Variants in ELAVL2 observed in about 807,000 individuals in gnomAD.
ELAVL2 encodes ELAV-like protein 2.
In ELAVL2, 4 loss-of-function variants were observed where a neutral mutation model predicts 34.6. The observed-to-expected ratio is 0.12, with a 90% CI of 0.06 to 0.26. The LOEUF (loss-of-function observed/expected upper bound fraction) is 0.26, where lower values mean the gene tolerates loss of function less well. Ranked by LOEUF, ELAVL2 falls within the 10% of genes least tolerant of loss-of-function variation. ELAVL2 has a pLI of 1.00. For missense variants in ELAVL2, 432 were observed against 442.8 expected (o/e 0.98, Z 0.22); for synonymous variants, 193 against 154.8 (o/e 1.25, Z -1.83).
chr9:23,757,869 A>C (rs898373807), intron 2 of ELAVL2, among the ~76,000 whole-genome samples: 5 of 152,242 alleles, frequency 3.3e-5, no homozygotes, highest in Admixed American at 3.3e-4. Flanking sequence ...TAATTTGCTA[A>C]CACTGACACA....
intron 1 of ELAVL2, among the ~76,000 whole-genome samples, chr9:23,797,225 C>T (rs1278282061): frequency 6.6e-6 from 1 of 152,144 alleles, no homozygotes; most frequent in Non-Finnish European, 1.5e-5. Context: ...CAAAAGTGAA[C>T]CTCTATCCTC....
chr9:23,820,568 G>A (rs959441875), intron 1 of ELAVL2, among the ~76,000 whole-genome samples: 1 of 152,176 alleles, frequency 6.6e-6, no homozygotes, highest in Non-Finnish European at 1.5e-5. Flanking sequence ...CTCATAGCTC[G>A]CATCTAGAGG....
intron 2 of ELAVL2, among the ~76,000 whole-genome samples, chr9:23,752,719 T>G (rs1273388725): frequency 6.6e-6 from 1 of 152,184 alleles, no homozygotes; most frequent in East Asian, 1.9e-4. Context: ...CCTCCCAAAG[T>G]GCTGGAATTA....
the ELAVL2 span, among the ~76,000 whole-genome samples, chr9:23,842,074 C>T: frequency 0.012 from 1,894 of 152,218 alleles, 37 homozygotes; most frequent in African/African-American, 0.04. Context: ...GCAGAACCTT[C>T]CATTTCGTTT....
At chr9:23,807,630 A>G (rs1243610943) in intron 1 of ELAVL2, among the ~76,000 whole-genome samples, 1 of 152,140 alleles carries the variant, frequency 6.6e-6, no homozygotes, top group Non-Finnish European at 1.5e-5. Context: ...AATATGGTAA[A>G]GCAATGGGGT....
intron 2 of ELAVL2, among the ~76,000 whole-genome samples, chr9:23,748,274 A>G (rs2051005578): frequency 6.6e-6 from 1 of 152,096 alleles, no homozygotes; most frequent in African/African-American, 2.4e-5. Context: ...TGATTGAGGA[A>G]TGGCTTTCTG....
At chr9:23,850,568 G>T in the ELAVL2 span, among the ~76,000 whole-genome samples, 1 of 151,788 alleles carries the variant, frequency 6.6e-6, no homozygotes. Flanking sequence ...AGGGCAAGCC[G>T]TGTGACAGCG....
At chr9:23,801,882 A>G (rs1053111129) in intron 1 of ELAVL2, among the ~76,000 whole-genome samples, 1 of 152,134 alleles carries the variant, frequency 6.6e-6, no homozygotes, top group Non-Finnish European at 1.5e-5. Context: ...AAGCGCTGCA[A>G]ATAGGAATTG....
intron 2 of ELAVL2, among the ~76,000 whole-genome samples, chr9:23,740,192 T>C (rs1416383359): frequency 6.6e-6 from 1 of 152,152 alleles, no homozygotes; most frequent in African/African-American, 2.4e-5. Flanking sequence ...GCCCCATAAA[T>C]GCTATGTCTA....
chr9:23,766,559 G>T (rs2056300156), intron 1 of ELAVL2, among the ~76,000 whole-genome samples: 1 of 128,688 alleles, frequency 7.8e-6, no homozygotes, highest in Admixed American at 7.3e-5. Context: ...CTAATCTATT[G>T]ACACCCCTCT....
chr9:23,832,933 G>T, the ELAVL2 span, among the ~76,000 whole-genome samples: 70,733 of 151,718 alleles, frequency 0.47, 16,828 homozygotes, highest in East Asian at 0.63. Context: ...TTATAAACTT[G>T]GAAATTGTTA....
intron 1 of ELAVL2, among the ~76,000 whole-genome samples, chr9:23,795,075 T>TG (rs1471803796): frequency 6.6e-6 from 1 of 152,224 alleles, no homozygotes; most frequent in African/African-American, 2.4e-5. Flanking sequence ...ATAATATTAC[T>TG]GCTCTTCAGA....
At chr9:23,751,760 G>A (rs2052109093) in intron 2 of ELAVL2, among the ~76,000 whole-genome samples, 1 of 152,114 alleles carries the variant, frequency 6.6e-6, no homozygotes. Flanking sequence ...ATAGCTCACT[G>A]GAAAGCTCAC....
rs1436835436 is a variant in ELAVL2, at chr9:23,758,061, G to A, written c.229+3945C>T. Among the ~76,000 whole-genome samples, 3 of 151,984 alleles carry A rather than the reference G, an allele frequency of 2.0e-5. No individual in the cohort carries two copies. The South Asian group carries it at 6.2e-4, about 31-fold the overall frequency. ...AGAGTTTTCCTGTAACCCAATTAAC[G>A]CACATGCTCCTACAAAATCGGAATA... On this transcript the variant is annotated intron_variant, in intron 2 of 6. Transcript: ENST00000397312.
At chr9:23,745,977 T>C (rs968612277) in intron 2 of ELAVL2, among the ~76,000 whole-genome samples, 1 of 152,086 alleles carries the variant, frequency 6.6e-6, no homozygotes, top group African/African-American at 2.4e-5. Context: ...GTGAGCAAAG[T>C]AGTGCCCAAG....
intron 3 of ELAVL2, among the ~76,000 whole-genome samples, chr9:23,706,323 T>C (rs1006430660): frequency 1.3e-5 from 2 of 152,220 alleles, no homozygotes; most frequent in Admixed American, 1.3e-4. Context: ...CATCACTGTA[T>C]CCTCAATGCC....
chr9:23,772,279 C>T (rs7038525), intron 1 of ELAVL2, among the ~76,000 whole-genome samples: 32,145 of 151,878 alleles, frequency 0.21, 3,707 homozygotes, highest in African/African-American at 0.31. Context: ...AACATAGCTC[C>T]TCTGTTGGAT....
chr9:23,702,949 A>G (rs573673435), intron 4 of ELAVL2, among the ~76,000 whole-genome samples: 1 of 115,044 alleles, frequency 8.7e-6, no homozygotes, highest in African/African-American at 3.9e-5. Context: ...GCATCAGATT[A>G]GCAAAAAAAA....
chr9:23,710,288 A>G (rs1446179067), intron 3 of ELAVL2, among the ~76,000 whole-genome samples: 1 of 152,222 alleles, frequency 6.6e-6, no homozygotes, highest in African/African-American at 2.4e-5. Context: ...AGTTGATCAA[A>G]ATTATACAAA....
Sources: gnomAD v4.1 joint callset for allele counts (sites outside exome capture counted in the v4.1 genomes callset) on GRCh38, gnomAD v4.1.1 for gene constraint, MANE v1.5 for transcripts, NCBI Gene and HGNC (gene_info 2026-07-23, HGNC 2026-07-21) for gene names.